ULK1: variants seen among roughly 807,000 people sequenced by gnomAD.
ULK1 encodes serine/threonine-protein kinase ULK1.
A neutral mutation model predicts 117.5 loss-of-function variants in ULK1; 48 were observed. The observed-to-expected ratio is 0.41, with a 90% CI of 0.32 to 0.52. The LOEUF is 0.52. ULK1 is among the 20% of genes least tolerant of loss of function. ULK1 has a pLI of 0.29. For synonymous variants in ULK1, 790 were observed against 637.8 expected (o/e 1.24, Z -3.60); for missense variants, 1,387 against 1,473.4 (o/e 0.94, Z 0.96).
intron 3 of ULK1, among the ~76,000 whole-genome samples, chr12:131,901,454 C>T (rs1166051816): frequency 6.6e-6 from 1 of 152,176 alleles, no homozygotes; most frequent in East Asian, 1.9e-4. Context: ...GCGTAGCAAG[C>T]GCCAGCCCAA....
Position 131,919,288 on chromosome 12 carries a change from T to G in ULK1, c.2588T>G (p.Leu863Arg). The stretch of plus-strand genomic sequence containing the variant: ...CAGCACGTCCTGGAGATCGCAGCCC[T>G]GAAGGGCAGCGCCAGTGAGGCGGCG... The part of the protein sequence containing the change: ...FVQHVLEIAA[L>R]KGSASEAAGG... Residue 863 changes from leucine (L) to arginine (R), a missense_variant, in exon 24 of 28, where the codon CTG (leucine) becomes CGG (arginine). Around this residue, in one of 4 missense-constraint regions of ULK1, gnomAD observed 900 missense variants for 858.9 expected, o/e 1.05. Coordinates refer to ENST00000321867, the MANE Select transcript of ULK1 (RefSeq NM_003565.4). 6.3e-7 allele frequency: 1 copy of G among 1,597,618 alleles called. No individual in the cohort carries two copies. The highest frequency in any genetic ancestry group is 8.5e-7 in the Non-Finnish European group (1 of 1,175,572).
At position 131,921,518 on chromosome 12, in the gene ULK1, C is replaced by A; in HGVS notation, c.*157C>A. 9.1e-7 allele frequency: 1 copy of A among 1,099,942 alleles called. No homozygotes were observed. The highest frequency in any genetic ancestry group is 1.3e-6 in the Non-Finnish European group (1 of 748,882). The allele number at this position is 1,099,942 out of a possible 1,614,324, so 68.1% of individuals were successfully genotyped here. ...AGTCAGCCTGCCGGCCTCCCTGCAG[C>A]TCACGGGGCAGAACCAGCACATCTG... On this transcript the variant is annotated 3_prime_UTR_variant, in exon 28 of 28. Transcript: ENST00000321867.
intron 3 of ULK1, among the ~76,000 whole-genome samples, chr12:131,899,821 AC>A (rs2136379212): frequency 6.6e-6 from 1 of 152,190 alleles, no homozygotes; most frequent in South Asian, 2.1e-4. Flanking sequence ...CCGTTTTCTT[AC>A]CTTTTAAAAA....
At chr12:131,904,930 C>T (rs1889216223) in intron 3 of ULK1, among the ~76,000 whole-genome samples, 1 of 152,116 alleles carries the variant, frequency 6.6e-6, no homozygotes, top group Non-Finnish European at 1.5e-5. Context: ...GTCCCCCTTG[C>T]CCCATCCTGT....
At chr12:131,900,953 G>A (rs910114721) in intron 3 of ULK1, among the ~76,000 whole-genome samples, 1 of 152,238 alleles carries the variant, frequency 6.6e-6, no homozygotes, top group Non-Finnish European at 1.5e-5. Flanking sequence ...AACCCGTGGG[G>A]TGGGTACCCA....
At chr12:131,900,101 A>C (rs1197135714) in intron 3 of ULK1, among the ~76,000 whole-genome samples, 1 of 134,804 alleles carries the variant, frequency 7.4e-6, no homozygotes, top group Admixed American at 7.8e-5. Context: ...TGGGCGACAG[A>C]GTGAAACTCT....
At chr12:131,910,361 C>G in intron 11 of ULK1, 57 bp downstream of exon 11, 2 of 1,608,990 alleles carry the variant, frequency 1.2e-6, no homozygotes, top group Non-Finnish European at 1.7e-6. Context: ...CCCTTCCTCC[C>G]CGGGTTTGGT....
chr12:131,897,917 C>G (rs976443271), intron 3 of ULK1: 1 of 152,084 alleles, frequency 6.6e-6, no homozygotes, highest in Non-Finnish European at 1.5e-5. Context: ...AAAACAAAAC[C>G]CTCAAAAAGT....
chr12:131,919,904 C>A (rs1319942636), intron 25 of ULK1, 75 bp from the exon 26 acceptor site: 18 of 1,559,916 alleles, frequency 1.2e-5, no homozygotes, highest in Non-Finnish European at 1.5e-5. Context: ...GCTCAGTGCA[C>A]CGGGCAGATC....
chr12:131,919,568 C>T lies in ULK1; in HGVS notation c.2781C>T (p.Cys927=), dbSNP rs762727864. The T allele has an allele frequency of 1.9e-6, 3 of 1,612,036 alleles. No homozygotes were observed. Among genetic ancestry groups the T allele is most frequent in the African/African-American group, 1.3e-5 (1 of 75,040 alleles). Residue 927 remains cysteine, a synonymous_variant, in exon 25 of 28, where the codon TGC becomes TGT. Transcript: ENST00000321867. ...AIDQIRAGKL[C]LSSTVKQVVR... is the part of the protein sequence containing the mutation. ...ACCAGATCCGGGCCGGCAAGCTCTG[C>T]CTGTCGTCCACTGTGAAGCAGGGTG...
chr12:131,912,012 G>C lies in ULK1; in HGVS notation c.1019G>C (p.Ser340Thr), dbSNP rs1465329222. ...SPADTAGFLH[S>T]SRDSGGSKDS... Reference sequence around the variant, plus strand: ...GCTGACACCGCTGGCTTCCTGCACAGCTCCCGGGACTCTGGTGGCAGCAAG... The same window carrying C: ...GCTGACACCGCTGGCTTCCTGCACACCTCCCGGGACTCTGGTGGCAGCAAG... The change falls in exon 13 of 28, where the codon AGC becomes ACC. Residue 340 changes from serine to threonine, a missense_variant. Ser to Thr is a moderately conservative substitution (Grantham distance 58). Transcript: ENST00000321867. 6.2e-7 allele frequency: 1 copy of C among 1,612,772 alleles called. No homozygotes were observed. Among genetic ancestry groups the C allele is most frequent in the Non-Finnish European group, 8.5e-7 (1 of 1,179,994 alleles).
chr12:131,921,681 G>A lies in ULK1; in HGVS notation c.*320G>A, dbSNP rs552607135. 88 of 606,090 alleles carry A rather than the reference G, an allele frequency of 1.5e-4. 1 individual carries two copies. In the South Asian group the frequency reaches 1.5e-3, roughly 10 times the overall value. The allele number at this position is 606,090 out of a possible 1,614,324, so 37.5% of individuals were successfully genotyped here. ...AGGGCAGCCCCGGAGGACAGGCAAG[G>A]GCCTGAGACCACTGCCGACTCAAAG... is the stretch of plus-strand genomic sequence containing the variant. On this transcript the variant is annotated 3_prime_UTR_variant, in exon 28 of 28. Coordinates refer to ENST00000321867, the MANE Select transcript of ULK1 (RefSeq NM_003565.4).
Position 131,916,830 on chromosome 12 carries a change from C to T in ULK1, c.2073-123C>T, listed in dbSNP as rs1889810665. 4 of 1,030,560 alleles carry T rather than the reference C, an allele frequency of 3.9e-6. No individual in the cohort carries two copies. In the African/African-American group the frequency reaches 4.9e-5, roughly 13 times the overall value. 63.8% of individuals were successfully genotyped at this position (1,030,560 alleles called of 1,614,324 possible). A position where few individuals can be genotyped will look rare whatever the true frequency, so the allele number is the denominator to read the frequency against. ...CTGTAAGCTGGGGTGACAGGAGCGC[C>T]TGCCTCTCGAGGTGGGCCAGGAGAC... On this transcript the variant is annotated intron_variant, in intron 20 of 27. Coordinates refer to ENST00000321867, the MANE Select transcript of ULK1 (RefSeq NM_003565.4).
chr12:131,908,023 C>T (rs1331360894), intron 5 of ULK1, among the ~76,000 whole-genome samples: 1 of 151,960 alleles, frequency 6.6e-6, no homozygotes, highest in Non-Finnish European at 1.5e-5. Context: ...CGCCGGCGGC[C>T]TCTTGGGGGT....
Position 131,908,756 on chromosome 12 carries a change from C to T in ULK1, c.429C>T (p.Asn143=), listed in dbSNP as rs745827836. The T allele has an allele frequency of 3.1e-6, 5 of 1,608,998 alleles. No individual in the cohort carries two copies. In the South Asian group the frequency reaches 3.3e-5, roughly 11 times the overall value. The change falls in exon 6 of 28, where the codon AAC becomes AAT. Residue 143 remains asparagine (N), a synonymous_variant. Coordinates refer to ENST00000321867, the MANE Select transcript of ULK1 (RefSeq NM_003565.4). The part of the protein sequence containing the change: ...GIIHRDLKPQ[N]ILLSNPAGRR... ...TCCACCGCGACCTGAAACCGCAGAA[C>T]ATCCTGCTGTCCAACCCCGCCGGCC...
rs555039623 is a variant in ULK1 at position 131,921,225 on chromosome 12, C to T, written c.3087C>T (p.Asn1029=). The T allele has an allele frequency of 1.4e-5, 22 of 1,607,594 alleles. No individual in the cohort carries two copies. The highest frequency in any genetic ancestry group is 1.3e-4 in the African/African-American group (10 of 74,928). The change falls in exon 27 of 28, where the codon AAC becomes AAT. Residue 1029 remains asparagine (N), a synonymous_variant. Coordinates refer to ENST00000321867, the MANE Select transcript of ULK1 (RefSeq NM_003565.4). ...TCTCGGACCAGGCCGACATCGAGAACGTCACCAAGTGTGAGTGCCCGGCTG... is the reference window on the plus strand; with the variant it reads ...TCTCGGACCAGGCCGACATCGAGAATGTCACCAAGTGTGAGTGCCCGGCTG... ...HMLSDQADIE[N]VTKCKLCIER... is the part of the protein sequence containing the mutation.
intron 3 of ULK1, among the ~76,000 whole-genome samples, chr12:131,905,343 C>A (rs1187352689): frequency 6.6e-6 from 1 of 151,842 alleles, no homozygotes; most frequent in African/African-American, 2.4e-5. Context: ...ACCAGGGGTG[C>A]CTTCTGATTG....
chr12:131,904,912 T>C (rs916673551), intron 3 of ULK1, among the ~76,000 whole-genome samples: 5 of 152,252 alleles, frequency 3.3e-5, no homozygotes, highest in African/African-American at 9.6e-5. Context: ...CCCGGAGCTG[T>C]CCCTGCAGTC....
At chr12:131,916,901 A>G in intron 20 of ULK1, 52 bp from the exon 21 acceptor site, 1 of 1,244,172 alleles carries the variant, frequency 8.0e-7, no homozygotes, top group Non-Finnish European at 1.1e-6. Context: ...CTCGAGGTCC[A>G]GTTAGGGTGG....
Sources: allele counts gnomAD v4.1 joint callset (sites outside exome capture counted in the v4.1 genomes callset), GRCh38; gene constraint gnomAD v4.1.1; regional missense constraint gnomAD v4.1.1; transcripts MANE v1.5; gene names NCBI Gene and HGNC (gene_info 2026-07-23, HGNC 2026-07-21).